CDH12: variants seen among roughly 807,000 people sequenced by gnomAD.
CDH12 encodes the protein cadherin-12.
In CDH12, 41 loss-of-function variants were observed where a neutral mutation model predicts 74.1. That is an observed-to-expected ratio of 0.55 (90% confidence interval 0.43 to 0.72). CDH12 has a LOEUF of 0.72. CDH12 is among the 30% of genes least tolerant of loss of function. The pLI, the probability that CDH12 is intolerant of heterozygous loss-of-function variation, is 0.00. For missense variants in CDH12, 945 were observed against 977.2 expected, an observed-to-expected ratio of 0.97 and a Z score of 0.44; for synonymous variants, 399 against 355.0, an observed-to-expected ratio of 1.12 and a Z score of -1.39.
At chr5:22,752,774 C>T (rs146611380) in intron 1 of CDH12, among the ~76,000 whole-genome samples, 12,563 of 150,626 alleles carry the variant, frequency 0.083, 702 homozygotes, top group Non-Finnish European at 0.12. Flanking sequence ...GGGGTTTCAC[C>T]GTTTTTAGCC....
intron 8 of CDH12, among the ~76,000 whole-genome samples, chr5:21,840,516 A>T (rs1749779875): frequency 6.6e-6 from 1 of 151,976 alleles, no homozygotes; most frequent in African/African-American, 2.4e-5. Context: ...TTTAAAGTTC[A>T]TATGGAACCA....
chr5:22,669,599 A>T (rs1740800380), intron 1 of CDH12, among the ~76,000 whole-genome samples: 1 of 152,212 alleles, frequency 6.6e-6, no homozygotes, highest in Admixed American at 6.5e-5. Flanking sequence ...GTTCTGTCTA[A>T]ATGGCAGACT....
At chr5:22,554,466 G>A (rs1738711806) in intron 1 of CDH12, among the ~76,000 whole-genome samples, 1 of 151,954 alleles carries the variant, frequency 6.6e-6, no homozygotes, top group Admixed American at 6.6e-5. Flanking sequence ...ACTTAAAGCT[G>A]CTCTAAAAAA....
At chr5:21,833,007 T>C (rs1339720944) in intron 8 of CDH12, among the ~76,000 whole-genome samples, 2 of 70,770 alleles carry the variant, frequency 2.8e-5, no homozygotes, top group Non-Finnish European at 4.4e-5. Flanking sequence ...ATATATTATA[T>C]ATAATATATG....
At chr5:22,503,902 A>T (rs1386873740) in intron 2 of CDH12, among the ~76,000 whole-genome samples, 3 of 152,010 alleles carry the variant, frequency 2.0e-5, no homozygotes, top group Non-Finnish European at 4.4e-5. Context: ...TTTGCATCAC[A>T]GATAATACTG....
At chr5:22,467,306 T>C (rs1745776866) in intron 2 of CDH12, among the ~76,000 whole-genome samples, 1 of 152,314 alleles carries the variant, frequency 6.6e-6, no homozygotes, top group Non-Finnish European at 1.5e-5. Context: ...GTGCCTGGCA[T>C]GTGAGAGGAT....
intron 3 of CDH12, among the ~76,000 whole-genome samples, chr5:22,369,522 A>T (rs934859078): frequency 1.3e-5 from 2 of 152,208 alleles, no homozygotes; most frequent in Non-Finnish European, 2.9e-5. Context: ...AAATCAATTC[A>T]TGCCTTTAAG....
chr5:22,153,469 C>T (rs1219716297), intron 4 of CDH12, among the ~76,000 whole-genome samples: 2 of 151,676 alleles, frequency 1.3e-5, no homozygotes, highest in Non-Finnish European at 2.9e-5. Flanking sequence ...CTCTGAGGCT[C>T]TATGAAACCC....
At position 22,655,630 on chromosome 5, in the gene CDH12, G is replaced by A. The variant is rs112051372; in HGVS notation, c.-522-150266C>T. Among the ~76,000 whole-genome samples the A allele has an allele frequency of 6.0e-4, 91 of 151,488 alleles. 1 individual carries two copies. The highest frequency in any genetic ancestry group is 2.1e-3 in the African/African-American group (87 of 41,378). On this transcript the variant is annotated intron_variant, in intron 1 of 14. Transcript: ENST00000382254. ...AACATTATTTTAAATACCCTTTTTT[G>A]TGGGTTACATGATCACCATGATCTG...
intron 8 of CDH12, among the ~76,000 whole-genome samples, chr5:21,832,339 A>C (rs1339153077): frequency 6.6e-6 from 1 of 152,102 alleles, no homozygotes; most frequent in African/African-American, 2.4e-5. Flanking sequence ...AGCCATGACA[A>C]ATTATGTTTT....
chr5:22,418,259 G>A (rs1169275421), intron 2 of CDH12, among the ~76,000 whole-genome samples: 1 of 147,260 alleles, frequency 6.8e-6, no homozygotes, highest in Non-Finnish European at 1.5e-5. Context: ...TCTATTATTG[G>A]TGTATAAGAA....
chr5:21,863,895 T>A lies in CDH12; in HGVS notation c.527-9105A>T, dbSNP rs553176089. On this transcript the variant is annotated intron_variant, in intron 6 of 14. Transcript: ENST00000382254. ...GAGAGATTTCATGTAGCAAATCAGT[T>A]TCTTTTTGCTTTTGTCTTGTGTATA... 9.8e-5 allele frequency among the ~76,000 whole-genome samples: 15 copies of A among 152,306 alleles called. 1 individual carries two copies. In the South Asian group the frequency reaches 2.7e-3, roughly 27 times the overall value.
intron 6 of CDH12, among the ~76,000 whole-genome samples, chr5:21,915,834 G>GTT (rs1754065095): frequency 6.7e-6 from 1 of 149,990 alleles, no homozygotes; most frequent in African/African-American, 2.4e-5. Context: ...GTGTGTGTGT[G>GTT]TGTGTGTGTG....
At chr5:22,024,696 TAG>T (rs1738232039) in intron 5 of CDH12, among the ~76,000 whole-genome samples, 1 of 152,078 alleles carries the variant, frequency 6.6e-6, no homozygotes, top group South Asian at 2.1e-4. Context: ...TGTATTTTAG[TAG>T]AGACAATGTA....
chr5:22,360,420 G>A (rs1740750356), intron 3 of CDH12, among the ~76,000 whole-genome samples: 1 of 152,136 alleles, frequency 6.6e-6, no homozygotes, highest in South Asian at 2.1e-4. Context: ...AACAGGCTCT[G>A]AAATTGAGGC....
chr5:22,847,598 C>G (rs778681531), intron 1 of CDH12, among the ~76,000 whole-genome samples: 1 of 152,090 alleles, frequency 6.6e-6, no homozygotes, highest in Non-Finnish European at 1.5e-5. Context: ...GAAGCTCTTT[C>G]CATTACATTT....
intron 1 of CDH12, among the ~76,000 whole-genome samples, chr5:22,642,676 T>C (rs1011914824): frequency 3.3e-5 from 5 of 152,132 alleles, no homozygotes; most frequent in Admixed American, 1.3e-4. Flanking sequence ...ATATTTTATT[T>C]TTTAAAAATT....
chr5:22,153,170 GT>G (rs779807281), intron 4 of CDH12, among the ~76,000 whole-genome samples: 6 of 136,474 alleles, frequency 4.4e-5, no homozygotes, highest in African/African-American at 1.6e-4. Context: ...TTTTCTTTTC[GT>G]TTTTTTCTTT....
intron 3 of CDH12, among the ~76,000 whole-genome samples, chr5:22,298,856 A>G (rs1397260952): frequency 6.6e-6 from 1 of 152,190 alleles, no homozygotes; most frequent in East Asian, 1.9e-4. Context: ...TCAACAAAGA[A>G]GTATTTGTTT....
Sources: gnomAD v4.1 joint callset for allele counts (sites outside exome capture counted in the v4.1 genomes callset) on GRCh38, gnomAD v4.1.1 for gene constraint, MANE v1.5 for transcripts, NCBI Gene and HGNC (gene_info 2026-07-23, HGNC 2026-07-21) for gene names.